Variants in PCDH15 observed in about 807,000 individuals in gnomAD.
PCDH15 encodes protocadherin related 15.
A neutral mutation model predicts 178.5 loss-of-function variants in PCDH15; 129 were observed. That is an observed-to-expected ratio of 0.72 (90% CI 0.63 to 0.84). PCDH15 has a LOEUF of 0.84. Ranked by LOEUF, PCDH15 falls within the 40% of genes least tolerant of loss-of-function variation. The probability of loss-of-function intolerance (pLI) is 0.00; values close to 1 mark genes in which losing one functional copy is unlikely to be tolerated. For synonymous variants in PCDH15, 800 were observed against 732.0 expected (o/e 1.09, Z -1.50); for missense variants, 2,230 against 2,099.9 (o/e 1.06, Z -1.21).
chr10:54,636,559 A>C (rs1463587253), intron 2 of PCDH15, among the ~76,000 whole-genome samples: 1 of 152,074 alleles, frequency 6.6e-6, no homozygotes, highest in Non-Finnish European at 1.5e-5. Context: ...TCATATAAAT[A>C]CATTTTCTAG....
At chr10:54,940,992 T>C (rs1838048785) in intron 2 of PCDH15, among the ~76,000 whole-genome samples, 1 of 152,064 alleles carries the variant, frequency 6.6e-6, no homozygotes, top group Admixed American at 6.6e-5. Context: ...GATTAGATTG[T>C]TTCATTTATT....
intron 3 of PCDH15, among the ~76,000 whole-genome samples, chr10:54,885,045 A>G (rs1954330775): frequency 6.6e-6 from 1 of 152,096 alleles, no homozygotes; most frequent in Non-Finnish European, 1.5e-5. Flanking sequence ...CTCAAAGATT[A>G]TCAGTCCCTG....
intron 15 of PCDH15, among the ~76,000 whole-genome samples, chr10:54,122,579 A>AG (rs2041630808): frequency 2.1e-5 from 3 of 139,814 alleles, no homozygotes; most frequent in African/African-American, 7.7e-5. Flanking sequence ...GCATCCAAAT[A>AG]GCAAAAAAAA....
chr10:54,293,794 C>A (rs1045956963), intron 8 of PCDH15, among the ~76,000 whole-genome samples: 29 of 152,214 alleles, frequency 1.9e-4, no homozygotes, highest in African/African-American at 5.8e-4. Context: ...GTTAGAATGA[C>A]AATCATTAAA....
intron 2 of PCDH15, among the ~76,000 whole-genome samples, chr10:55,528,863 T>C (rs1841376621): frequency 6.6e-6 from 1 of 152,148 alleles, no homozygotes; most frequent in African/African-American, 2.4e-5. Flanking sequence ...ACTGTTCCTA[T>C]TTCTCCACAT....
chr10:55,297,968 T>C (rs1214621629), intron 1 of PCDH15, among the ~76,000 whole-genome samples: 2 of 152,058 alleles, frequency 1.3e-5, no homozygotes, highest in Admixed American at 1.3e-4. Context: ...TCCACAATAC[T>C]AACATTTGGG....
intron 2 of PCDH15, among the ~76,000 whole-genome samples, chr10:54,941,683 G>A (rs1458147043): frequency 1.3e-5 from 2 of 151,938 alleles, no homozygotes; most frequent in Non-Finnish European, 2.9e-5. Context: ...TTAAAACCTA[G>A]AGTTTTAAAA....
At chr10:54,634,197 C>G (rs1181245063) in intron 2 of PCDH15, among the ~76,000 whole-genome samples, 2 of 148,218 alleles carry the variant, frequency 1.3e-5, no homozygotes, top group Non-Finnish European at 3.0e-5. Context: ...GCACTGCTTT[C>G]TATACTTGTA....
chr10:54,165,308 A>G (rs1014170979), intron 13 of PCDH15, among the ~76,000 whole-genome samples: 1 of 152,168 alleles, frequency 6.6e-6, no homozygotes, highest in Non-Finnish European at 1.5e-5. Context: ...TGGTTGTATA[A>G]TTTGGAAAAA....
intron 5 of PCDH15, among the ~76,000 whole-genome samples, chr10:54,362,824 G>A (rs1946254496): frequency 6.6e-6 from 1 of 151,938 alleles, no homozygotes; most frequent in Non-Finnish European, 1.5e-5. Context: ...TCTCTCTAAT[G>A]TTTTATAAAT....
At chr10:53,817,538 T>C (rs2076109370) in intron 34 of PCDH15, among the ~76,000 whole-genome samples, 1 of 149,342 alleles carries the variant, frequency 6.7e-6, no homozygotes, top group Non-Finnish European at 1.5e-5. Context: ...TTTTTTTTTT[T>C]TTTGAGACAG....
chr10:55,103,382 G>C (rs1444989917), intron 2 of PCDH15, among the ~76,000 whole-genome samples: 1 of 152,236 alleles, frequency 6.6e-6, no homozygotes, highest in Admixed American at 6.5e-5. Context: ...TAGTTCCTCT[G>C]TTGGGGTATC....
chr10:54,259,004 C>T (rs1471875615), intron 8 of PCDH15, among the ~76,000 whole-genome samples: 6 of 151,960 alleles, frequency 3.9e-5, no homozygotes, highest in South Asian at 4.1e-4. Context: ...TTATTCACTT[C>T]GAATCTTATA....
intron 2 of PCDH15, among the ~76,000 whole-genome samples, chr10:55,583,161 T>G (rs2132122916): frequency 6.6e-6 from 1 of 152,282 alleles, no homozygotes; most frequent in South Asian, 2.1e-4. Context: ...TATAAAAATT[T>G]AACATTCACT....
intron 2 of PCDH15, among the ~76,000 whole-genome samples, chr10:54,595,063 T>C (rs2092142322): frequency 6.6e-6 from 1 of 152,080 alleles, no homozygotes; most frequent in African/African-American, 2.4e-5. Context: ...TCCCAAACCA[T>C]ACCGCCACAG....
chr10:53,822,947 C>T, intron 32 of PCDH15: 1 of 1,614,050 alleles, frequency 6.2e-7, no homozygotes, highest in Non-Finnish European at 8.5e-7. Flanking sequence ...GATCTATGAT[C>T]TCTGGTCTAT....
chr10:54,098,628 G>A (rs554515899), intron 15 of PCDH15, among the ~76,000 whole-genome samples: 6 of 152,234 alleles, frequency 3.9e-5, no homozygotes, highest in Admixed American at 3.9e-4. Context: ...AATGTTGTCA[G>A]GCCTCTGAAA....
intron 2 of PCDH15, among the ~76,000 whole-genome samples, chr10:54,596,336 C>A (rs900849384): frequency 6.6e-6 from 1 of 151,974 alleles, no homozygotes; most frequent in African/African-American, 2.4e-5. Flanking sequence ...GAAATTCCAG[C>A]CAAAGAAATT....
At chr10:55,505,706 T>C (rs1039248547) in intron 2 of PCDH15, among the ~76,000 whole-genome samples, 17 of 151,550 alleles carry the variant, frequency 1.1e-4, no homozygotes, top group Admixed American at 6.6e-5. Flanking sequence ...ATGCTAGTTA[T>C]AGTCATCAGC....
Sources: allele counts gnomAD v4.1 joint callset (sites outside exome capture counted in the v4.1 genomes callset), GRCh38; gene constraint gnomAD v4.1.1; transcripts MANE v1.5; gene names NCBI Gene and HGNC (gene_info 2026-07-23, HGNC 2026-07-21).